SPOCK3: variants seen among roughly 807,000 people sequenced by gnomAD.
SPOCK3 encodes the protein SPARC (osteonectin), cwcv and kazal like domains proteoglycan 3.
Under a neutral mutation model 56.6 loss-of-function variants are expected in SPOCK3, and 30 were observed. The observed-to-expected ratio is 0.53, with a 90% CI of 0.40 to 0.72. SPOCK3 has a LOEUF of 0.72. Ranked by LOEUF, SPOCK3 falls within the 30% of genes least tolerant of loss-of-function variation. The pLI, the probability that SPOCK3 is intolerant of heterozygous loss-of-function variation, is 0.00. For missense variants in SPOCK3, 527 were observed against 530.0 expected, an observed-to-expected ratio of 0.99 and a Z score of 0.06; for synonymous variants, 196 against 183.3, an observed-to-expected ratio of 1.07 and a Z score of -0.56.
At chr4:167,174,264 A>T (rs546221015) in intron 2 of SPOCK3, among the ~76,000 whole-genome samples, 3 of 152,212 alleles carry the variant, frequency 2.0e-5, no homozygotes, top group Non-Finnish European at 4.4e-5. Flanking sequence ...TTATTAAAAA[A>T]TTTTTAAAAT....
At chr4:167,151,066 T>A (rs531376066) in intron 2 of SPOCK3, among the ~76,000 whole-genome samples, 1 of 152,226 alleles carries the variant, frequency 6.6e-6, no homozygotes, top group Non-Finnish European at 1.5e-5. Flanking sequence ...TGATGTTTAC[T>A]GAGTTGGTTC....
At chr4:167,080,075 G>A (rs900845641) in intron 2 of SPOCK3, among the ~76,000 whole-genome samples, 2 of 151,918 alleles carry the variant, frequency 1.3e-5, no homozygotes, top group Admixed American at 6.6e-5. Context: ...ATGCATAGAT[G>A]GCAAATTTGC....
intron 6 of SPOCK3, among the ~76,000 whole-genome samples, chr4:166,888,828 T>C (rs1048786756): frequency 3.3e-5 from 5 of 151,932 alleles, no homozygotes; most frequent in African/African-American, 1.2e-4. Flanking sequence ...AAAAATGATA[T>C]AAAACACATG....
intron 6 of SPOCK3, among the ~76,000 whole-genome samples, chr4:166,859,138 C>T (rs535223853): frequency 3.3e-5 from 5 of 152,020 alleles, no homozygotes; most frequent in Non-Finnish European, 5.9e-5. Context: ...AGTTTGTAGC[C>T]TAGGAGCAAT....
intron 3 of SPOCK3, among the ~76,000 whole-genome samples, chr4:167,011,685 T>C (rs1750082164): frequency 6.6e-6 from 1 of 152,218 alleles, no homozygotes; most frequent in East Asian, 1.9e-4. Context: ...AATACATTAG[T>C]TGGCCATATA....
chr4:166,868,426 A>C (rs1732096053), intron 6 of SPOCK3, among the ~76,000 whole-genome samples: 1 of 152,074 alleles, frequency 6.6e-6, no homozygotes, highest in Admixed American at 6.6e-5. Flanking sequence ...TGATTGTGCC[A>C]GTGAACTCCA....
chr4:167,222,939 G>A (rs1269566520), intron 2 of SPOCK3, among the ~76,000 whole-genome samples: 1 of 125,122 alleles, frequency 8.0e-6, no homozygotes, highest in African/African-American at 3.2e-5. Flanking sequence ...ATATAAATAT[G>A]TAAACATATA....
In SPOCK3 at chr4:166,762,210, C is replaced by T. The variant is rs1288698860; in HGVS notation, c.710-7481G>A. ...TTCCTATTTTCTGTGCAAGTGCTCA[C>T]CTTGGTTCTGGAAATGTAAGGTTAA... On this transcript the variant is annotated intron_variant, in intron 7 of 10. Transcript: ENST00000357545. Among the ~76,000 whole-genome samples, 6 of 152,042 alleles carry T rather than the reference C, an allele frequency of 3.9e-5. No homozygotes were observed. In the East Asian group the frequency reaches 1.2e-3, roughly 29 times the overall value.
At chr4:166,743,082 A>C (rs1735074932) in intron 8 of SPOCK3, among the ~76,000 whole-genome samples, 1 of 152,124 alleles carries the variant, frequency 6.6e-6, no homozygotes, top group Non-Finnish European at 1.5e-5. Context: ...TCGGATACTA[A>C]GAGATAACTG....
intron 2 of SPOCK3, among the ~76,000 whole-genome samples, chr4:167,137,512 C>A (rs1763221119): frequency 6.6e-6 from 1 of 151,694 alleles, no homozygotes; most frequent in African/African-American, 2.4e-5. Context: ...ATTCTTTGGA[C>A]AAAATTTGAT....
chr4:166,966,434 T>C (rs1744744396), intron 4 of SPOCK3, among the ~76,000 whole-genome samples: 1 of 152,174 alleles, frequency 6.6e-6, no homozygotes, highest in Non-Finnish European at 1.5e-5. Context: ...GTGCTTTCCC[T>C]TCAGACAACC....
intron 7 of SPOCK3, among the ~76,000 whole-genome samples, chr4:166,755,859 G>A (rs373643537): frequency 6.6e-6 from 1 of 152,046 alleles, no homozygotes; most frequent in East Asian, 1.9e-4. Context: ...AAATAAAAAT[G>A]TAGACACTTA....
At chr4:166,812,226 G>A (rs542199149) in intron 6 of SPOCK3, among the ~76,000 whole-genome samples, 5 of 151,930 alleles carry the variant, frequency 3.3e-5, no homozygotes, top group Non-Finnish European at 1.5e-5. Flanking sequence ...AATTAATCAA[G>A]TATTTATTCC....
intron 2 of SPOCK3, among the ~76,000 whole-genome samples, chr4:167,193,032 T>C (rs532985020): frequency 6.8e-6 from 1 of 146,226 alleles, no homozygotes; most frequent in East Asian, 2.1e-4. Flanking sequence ...TCTTGGAAAA[T>C]GTTCTGTGTG....
At position 166,983,571 on chromosome 4, in the gene SPOCK3, G is replaced by C. The variant is rs538208814; in HGVS notation, c.350+16778C>G. 5.3e-5 allele frequency among the ~76,000 whole-genome samples: 8 copies of C among 152,184 alleles called. No individual in the cohort carries two copies. The South Asian group carries it at 1.7e-3, about 32-fold the overall frequency. On this transcript the variant is annotated intron_variant, in intron 4 of 10. Coordinates refer to ENST00000357545, the MANE Select transcript of SPOCK3 (RefSeq NM_001040159.2). ...AAATTCTAGTGTTCTATAGCTGCAT[G>C]GGATGGCTATAGTTAATAGTTTAGC...
At chr4:167,089,710 T>C (rs1292286957) in intron 2 of SPOCK3, among the ~76,000 whole-genome samples, 1 of 152,200 alleles carries the variant, frequency 6.6e-6, no homozygotes, top group Non-Finnish European at 1.5e-5. Flanking sequence ...GTATCAAATA[T>C]ATACAGTCAT....
chr4:167,083,289 G>T (rs773885486), intron 2 of SPOCK3: 2 of 764,872 alleles, frequency 2.6e-6, no homozygotes, highest in African/African-American at 1.7e-5. Context: ...CCCAAATCCT[G>T]TGTCAGGTTG....
intron 6 of SPOCK3, among the ~76,000 whole-genome samples, chr4:166,843,301 C>G (rs764034802): frequency 2.0e-5 from 3 of 152,224 alleles, no homozygotes; most frequent in Non-Finnish European, 2.9e-5. Flanking sequence ...GCAGAGGAGG[C>G]GCTGAGAGCG....
intron 7 of SPOCK3, among the ~76,000 whole-genome samples, chr4:166,765,051 G>A (rs1468212473): frequency 6.6e-6 from 1 of 151,948 alleles, no homozygotes; most frequent in Non-Finnish European, 1.5e-5. Flanking sequence ...TTTTTTTCTT[G>A]TAAATTTGTT....
Sources: allele counts gnomAD v4.1 joint callset (sites outside exome capture counted in the v4.1 genomes callset), GRCh38; gene constraint gnomAD v4.1.1; transcripts MANE v1.5; gene names NCBI Gene and HGNC (gene_info 2026-07-23, HGNC 2026-07-21).